The following LYPLAL1 variants were observed in gnomAD, a reference collection of about 807,000 sequenced individuals.
The protein encoded by LYPLAL1 is lysophospholipase-like protein 1.
Under a neutral mutation model 19.7 loss-of-function variants are expected in LYPLAL1, and 23 were observed. The ratio of observed to expected loss-of-function variants is 1.17; its 90% CI spans 0.84 to 1.65. The LOEUF is 1.65. LYPLAL1 is among the 40% of genes most tolerant of loss of function. The pLI is 0.00. For missense variants in LYPLAL1, 355 were observed against 279.4 expected (o/e 1.27, Z -1.93); for synonymous variants, 119 against 96.3 (o/e 1.24, Z -1.38).
intron 3 of LYPLAL1, among the ~76,000 whole-genome samples, chr1:219,197,382 A>G (rs1234060163): frequency 6.6e-6 from 1 of 152,220 alleles, no homozygotes; most frequent in African/African-American, 2.4e-5. Context: ...TGGGGAAAGG[A>G]TTCCCTATTT....
chr1:219,231,782 C>T, the LYPLAL1 span, among the ~76,000 whole-genome samples: 1 of 152,162 alleles, frequency 6.6e-6, no homozygotes, highest in Non-Finnish European at 1.5e-5. Flanking sequence ...CTCGGCATGC[C>T]TCCCTTACAT....
chr1:219,252,033 C>CT, the LYPLAL1 span, among the ~76,000 whole-genome samples: 8 of 151,774 alleles, frequency 5.3e-5, no homozygotes, highest in East Asian at 3.9e-4. Context: ...ATATTTTACT[C>CT]TTTTTTGTGG....
chr1:219,188,752 A>G (rs1656923340), intron 2 of LYPLAL1, among the ~76,000 whole-genome samples: 1 of 150,012 alleles, frequency 6.7e-6, no homozygotes, highest in Admixed American at 6.7e-5. Context: ...GGGTTGGTTG[A>G]TTGATTAACT....
chr1:219,236,379 G>C, the LYPLAL1 span, among the ~76,000 whole-genome samples: 1 of 152,220 alleles, frequency 6.6e-6, no homozygotes, highest in Non-Finnish European at 1.5e-5. Context: ...CTCAAAGCAA[G>C]TAATGATACC....
the LYPLAL1 span, among the ~76,000 whole-genome samples, chr1:219,431,384 A>G: frequency 6.6e-6 from 1 of 152,200 alleles, no homozygotes; most frequent in South Asian, 2.1e-4. Flanking sequence ...TTGCAATTAG[A>G]GAGTTACTTG....
At chr1:219,382,919 C>G in the LYPLAL1 span, among the ~76,000 whole-genome samples, 202 of 151,468 alleles carry the variant, frequency 1.3e-3, no homozygotes, top group African/African-American at 3.7e-3. Context: ...CATAAAAATG[C>G]CCACCTACTC....
At chr1:219,174,327 A>G in intron 1 of LYPLAL1, 1 of 1,129,458 alleles carries the variant, frequency 8.9e-7, no homozygotes, top group Non-Finnish European at 1.1e-6. Context: ...CTAGAGGGAA[A>G]TTATTTAGTG....
At chr1:219,288,474 G>T in the LYPLAL1 span, among the ~76,000 whole-genome samples, 1 of 152,110 alleles carries the variant, frequency 6.6e-6, no homozygotes, top group African/African-American at 2.4e-5. Context: ...TGAGGCGTGG[G>T]ATAATTTATC....
chr1:219,290,412 G>A, the LYPLAL1 span, among the ~76,000 whole-genome samples: 1 of 152,160 alleles, frequency 6.6e-6, no homozygotes, highest in Non-Finnish European at 1.5e-5. Flanking sequence ...AGAACAGATT[G>A]ATAACATTTA....
Position 219,188,448 on chromosome 1 carries a change from G to A in LYPLAL1, c.192-4634G>A, listed in dbSNP as rs377410845. 3.3e-5 allele frequency among the ~76,000 whole-genome samples: 5 copies of A among 151,600 alleles called. No homozygotes were observed. In the East Asian group the frequency reaches 9.7e-4, roughly 29 times the overall value. The stretch of plus-strand genomic sequence containing the variant: ...TGCAAAGAGCCCTCTAAGTAGTGGG[G>A]ATATCAGATGCAAAGCCACTCAACT... On this transcript the variant is annotated intron_variant, in intron 2 of 4. Coordinates refer to ENST00000366928, the MANE Select transcript of LYPLAL1 (RefSeq NM_138794.5).
At chr1:219,278,773 A>G in the LYPLAL1 span, among the ~76,000 whole-genome samples, 6 of 152,172 alleles carry the variant, frequency 3.9e-5, no homozygotes, top group African/African-American at 1.4e-4. Flanking sequence ...CTTTTGGCCT[A>G]GGACTGGGTT....
the LYPLAL1 span, among the ~76,000 whole-genome samples, chr1:219,438,889 A>G: frequency 6.6e-6 from 1 of 152,216 alleles, no homozygotes; most frequent in Non-Finnish European, 1.5e-5. Flanking sequence ...TAGTATGTCA[A>G]TGGTTAATTT....
chr1:219,220,263 A>G, the LYPLAL1 span, among the ~76,000 whole-genome samples: 2 of 152,142 alleles, frequency 1.3e-5, no homozygotes, highest in Non-Finnish European at 1.5e-5. Flanking sequence ...TACTCAACCA[A>G]TTAGCCATTA....
chr1:219,383,916 T>C, the LYPLAL1 span, among the ~76,000 whole-genome samples: 669 of 152,308 alleles, frequency 4.4e-3, 9 homozygotes, highest in African/African-American at 0.015. Context: ...TCTGTTTACA[T>C]ATAGTTCATT....
chr1:219,199,148 A>G (rs1657862464), intron 3 of LYPLAL1, among the ~76,000 whole-genome samples: 1 of 152,212 alleles, frequency 6.6e-6, no homozygotes, highest in South Asian at 2.1e-4. Context: ...AGTTGGAGGT[A>G]CTAATATATG....
rs575919784 is a variant in LYPLAL1, at chr1:219,203,406, AATGTT to A, written c.362-7121_362-7117del. On this transcript the variant is annotated intron_variant, in intron 3 of 4. Coordinates refer to ENST00000366928, the MANE Select transcript of LYPLAL1 (RefSeq NM_138794.5). ...AATTTTATTTTCAAATTGTCAATAA[AATGTT>A]ATGTGCTGGAGTATAAAAGAAACTG... Among the ~76,000 whole-genome samples, 11 of 152,258 alleles carry A rather than the reference AATGTT, an allele frequency of 7.2e-5. No homozygotes were observed. The South Asian group carries it at 1.5e-3, about 20-fold the overall frequency.
chr1:219,266,341 A>G, the LYPLAL1 span, among the ~76,000 whole-genome samples: 2 of 152,164 alleles, frequency 1.3e-5, no homozygotes, highest in Non-Finnish European at 2.9e-5. Context: ...GCCTAGGCCT[A>G]CAGAGGATCA....
the LYPLAL1 span, among the ~76,000 whole-genome samples, chr1:219,441,741 A>T: frequency 6.6e-6 from 1 of 152,164 alleles, no homozygotes; most frequent in Admixed American, 6.6e-5. Flanking sequence ...ACAGAGAAAG[A>T]GCCACTGCCA....
At chr1:219,219,007 C>G in the LYPLAL1 span, among the ~76,000 whole-genome samples, 1 of 152,050 alleles carries the variant, frequency 6.6e-6, no homozygotes, top group Non-Finnish European at 1.5e-5. Flanking sequence ...AAACATTAGT[C>G]CCAGCATTGT....
Sources: allele counts gnomAD v4.1 joint callset (sites outside exome capture counted in the v4.1 genomes callset), GRCh38; gene constraint gnomAD v4.1.1; transcripts MANE v1.5; gene names NCBI Gene and HGNC (gene_info 2026-07-23, HGNC 2026-07-21).